SUPT6H: variants seen among roughly 807,000 people sequenced by gnomAD.
The protein encoded by SUPT6H is SPT6 homolog, histone chaperone and transcription elongation factor, also known as transcription elongation factor SPT6.
A neutral mutation model predicts 222.3 loss-of-function variants in SUPT6H; 11 were observed. The observed-to-expected ratio is 0.05, with a 90% CI of 0.03 to 0.08. The LOEUF is 0.08. SUPT6H is among the 10% of genes least tolerant of loss of function. SUPT6H has a pLI of 1.00. For missense variants in SUPT6H, 1,422 were observed against 2,216.0 expected, an observed-to-expected ratio of 0.64 and a Z score of 7.19; for synonymous variants, 762 against 801.2, an observed-to-expected ratio of 0.95 and a Z score of 0.83.
At position 28,701,891 on chromosome 17, in the gene SUPT6H, A is replaced by G; in HGVS notation, c.*266A>G. On this transcript the variant is annotated 3_prime_UTR_variant, in exon 37 of 37. Coordinates refer to ENST00000314616, the MANE Select transcript of SUPT6H (RefSeq NM_003170.5). ...GAGGGGAGTGTGGCAGGGAGGAGGA[A>G]GAGGAAGGTGAGAATGAGTAGAACA... 1 of 492,254 alleles carries G rather than the reference A, an allele frequency of 2.0e-6. No individual in the cohort carries two copies. The highest frequency in any genetic ancestry group is 3.5e-5 in the South Asian group (1 of 28,558). 30.5% of individuals were successfully genotyped at this position (492,254 alleles called of 1,614,324 possible).
intron 1 of SUPT6H, among the ~76,000 whole-genome samples, chr17:28,673,065 C>T (rs2030523812): frequency 6.6e-6 from 1 of 151,040 alleles, no homozygotes; most frequent in African/African-American, 2.4e-5. Context: ...GCAGGAGAAT[C>T]ACTTGAACCC....
Position 28,688,074 on chromosome 17 carries a change from C to G in SUPT6H, c.3007-17C>G. 1 of 1,604,064 alleles carries G rather than the reference C, an allele frequency of 6.2e-7. No individual in the cohort carries two copies. The highest frequency in any genetic ancestry group is 8.5e-7 in the Non-Finnish European group (1 of 1,174,146). Reference sequence around the variant, plus strand: ...GGCCTGCTTACTGCCCTGGCTCAGTCCAGCTCTCTCCCCCAGATCCTGAAG... The same window carrying G: ...GGCCTGCTTACTGCCCTGGCTCAGTGCAGCTCTCTCCCCCAGATCCTGAAG... On this transcript the variant is annotated splice_polypyrimidine_tract_variant and intron_variant, in intron 23 of 36. Transcript: ENST00000314616. This position sits in a 1 kb window ranked among gnomAD's most constrained non-coding sequence, Gnocchi z 4.3.
In SUPT6H at chr17:28,684,496, G is replaced by GTGTA. The variant is rs2070458656; in HGVS notation, c.2230-87_2230-84dup. 9 of 1,495,798 alleles carry GTGTA rather than the reference G, an allele frequency of 6.0e-6. No individual in the cohort carries two copies. The South Asian group carries it at 9.4e-5, about 16-fold the overall frequency. The allele number at this position is 1,495,798 out of a possible 1,614,324, so 92.7% of individuals were successfully genotyped here. ...TAAGAGTACACACCCTCGCACATGT[G>GTGTA]TGTATGAGTGTGTTTCCATAGCACT... On this transcript the variant is annotated intron_variant, in intron 17 of 36. Transcript: ENST00000314616.
chr17:28,695,205 G>A (rs2031845612), intron 28 of SUPT6H, 147 bp from the exon 29 acceptor site: 1 of 744,164 alleles, frequency 1.3e-6, no homozygotes, highest in Non-Finnish European at 2.2e-6. Flanking sequence ...CAAACTCCCA[G>A]TCTGCCATTC....
chr17:28,676,356 A>G lies in SUPT6H; in HGVS notation c.823A>G (p.Ser275Gly). The change falls in exon 7 of 37, where the codon AGT becomes GGT. Residue 275 changes from serine (S) to glycine (G), a missense_variant. This residue lies in a region of SUPT6H where 389 missense variants were observed against 544.6 expected (regional missense o/e 0.71). Transcript: ENST00000314616. ...RRSIFEMYEP[S>G]ELESSHLTDQ... ...GAGCATCTTTGAAATGTATGAGCCC[A>G]GTGAGCTAGAAAGCAGCCACCTCAC... is the stretch of plus-strand genomic sequence containing the variant. 2 of 1,613,922 alleles carry G rather than the reference A, an allele frequency of 1.2e-6. No individual in the cohort carries two copies. Among genetic ancestry groups the G allele is most frequent in the Non-Finnish European group, 1.7e-6 (2 of 1,180,010 alleles).
Position 28,674,293 on chromosome 17 carries a change from G to A in SUPT6H, c.120G>A (p.Glu40=). The change falls in exon 3 of 37, where the codon GAG becomes GAA. Residue 40 remains glutamate (E), a synonymous_variant. Coordinates refer to ENST00000314616, the MANE Select transcript of SUPT6H (RefSeq NM_003170.5). ...FVEEEDDDEE[E]EEENLDDQDE... ...ATGCATGTCTTCCAGATGAGGAGGA[G>A]GAGGAGGAGAACCTAGATGATCAGG... 6.2e-7 allele frequency: 1 copy of A among 1,614,184 alleles called. No individual in the cohort carries two copies. The highest frequency in any genetic ancestry group is 8.5e-7 in the Non-Finnish European group (1 of 1,180,028).
Position 28,677,746 on chromosome 17 carries a change from A to G in SUPT6H, c.929A>G (p.Asp310Gly), listed in dbSNP as rs768598215. Residue 310 changes from aspartate (D) to glycine (G), a missense_variant, in exon 8 of 37, where the codon GAT becomes GGT. Physicochemically the swap from Asp to Gly is moderately conservative, Grantham distance 94. Coordinates refer to ENST00000314616, the MANE Select transcript of SUPT6H (RefSeq NM_003170.5). Reference protein sequence around the residue: ...LRSIPVKGAEDDELEEEADWI... With the variant: ...LRSIPVKGAEGDELEEEADWI... ...TCCATCCCAGTCAAGGGGGCTGAAG[A>G]TGATGAACTAGAAGAAGAAGCTGAC... 2 of 1,614,236 alleles carry G rather than the reference A, an allele frequency of 1.2e-6. No individual in the cohort carries two copies. The highest frequency in any genetic ancestry group is 1.7e-6 in the Non-Finnish European group (2 of 1,180,032).
intron 4 of SUPT6H, 95 bp from the exon 5 acceptor site, chr17:28,674,875 G>T: frequency 7.1e-7 from 1 of 1,412,636 alleles, no homozygotes; most frequent in Admixed American, 2.0e-5. Context: ...CTTGGTCAGA[G>T]TAATTGTGGT....
rs2031234229 is a variant in SUPT6H at position 28,683,640 on chromosome 17, T to C, written c.2053T>C (p.Tyr685His). The change falls in exon 17 of 37, where the codon TAT (tyrosine) becomes CAT (histidine). Residue 685 changes from tyrosine (Y) to histidine (H), a missense_variant. Around this residue, in one of 13 missense-constraint regions of SUPT6H, gnomAD observed 121 missense variants for 158.0 expected, o/e 0.77. Coordinates refer to ENST00000314616, the MANE Select transcript of SUPT6H (RefSeq NM_003170.5). ...TCTCAGCTATGGCAACGACCAGACA[T>C]ATTTTGAGGAGATAAAACAGTTTTA... is the stretch of plus-strand genomic sequence containing the variant. ...GVEGYGNDQT[Y>H]FEEIKQFYYR... The C allele has an allele frequency of 1.9e-6, 3 of 1,613,820 alleles. No individual in the cohort carries two copies. The highest frequency in any genetic ancestry group is 1.7e-6 in the Non-Finnish European group (2 of 1,179,966).
Position 28,686,733 on chromosome 17 carries a change from G to A in SUPT6H, c.2644G>A (p.Val882Ile). ...DQGQQLSSIG[V>I]ELVDNELAIL... ...GGGCCAGCAGCTGTCATCTATTGGG[G>A]TAGAGCTGGTTGACAACGAGTTGGC... is the stretch of plus-strand genomic sequence containing the variant. Residue 882 changes from valine (V) to isoleucine (I), a missense_variant, in exon 21 of 37, where the codon GTA (valine) becomes ATA (isoleucine). Coordinates refer to ENST00000314616, the MANE Select transcript of SUPT6H (RefSeq NM_003170.5). The A allele has an allele frequency of 6.2e-7, 1 of 1,612,748 alleles. No homozygotes were observed. The highest frequency in any genetic ancestry group is 8.5e-7 in the Non-Finnish European group (1 of 1,179,566).
intron 32 of SUPT6H, among the ~76,000 whole-genome samples, chr17:28,699,311 G>A (rs1449587267): frequency 6.6e-6 from 1 of 152,212 alleles, no homozygotes; most frequent in African/African-American, 2.4e-5. Context: ...ACTAGAACTA[G>A]AACTGGAACT....
At chr17:28,678,751 T>C in intron 10 of SUPT6H, 70 bp from the exon 11 acceptor site, 2 of 1,612,480 alleles carry the variant, frequency 1.2e-6, no homozygotes, top group Non-Finnish European at 1.7e-6. Context: ...AGGTTTCTGG[T>C]AAGGATCAGA....
chr17:28,696,442 C>A (rs1038140701), intron 29 of SUPT6H, among the ~76,000 whole-genome samples: 9 of 150,300 alleles, frequency 6.0e-5, no homozygotes, highest in Non-Finnish European at 1.3e-4. Context: ...ACTAAAAATA[C>A]AAAAACTAGC....
In SUPT6H at chr17:28,688,358, C is replaced by CCCAT; in HGVS notation, c.3134+140_3134+141insCCAT. 7 of 1,073,136 alleles carry CCCAT rather than the reference C, an allele frequency of 6.5e-6. No homozygotes were observed. Among genetic ancestry groups the CCCAT allele is most frequent in the Non-Finnish European group, 9.0e-6 (7 of 780,188 alleles). The allele number at this position is 1,073,136 out of a possible 1,614,324, so 66.5% of individuals were successfully genotyped here. ...TAAAGAAAAGGTAAGGAACTTTATT[C>CCCAT]AGTCAAGAGCCCCTGACCTATGGAA... On this transcript the variant is annotated intron_variant, in intron 24 of 36. Transcript: ENST00000314616. The surrounding 1 kb of genome is among the most constrained non-coding windows in gnomAD (Gnocchi z 4.3).
chr17:28,669,206 G>A (rs1055213025), intron 1 of SUPT6H, among the ~76,000 whole-genome samples: 3 of 151,840 alleles, frequency 2.0e-5, no homozygotes, highest in Non-Finnish European at 4.4e-5. Flanking sequence ...GGGTTTTTTT[G>A]TTTGTTTGTT....
chr17:28,678,409 A>G, intron 9 of SUPT6H, 136 bp from the exon 10 acceptor site: 1 of 921,974 alleles, frequency 1.1e-6, no homozygotes, highest in Non-Finnish European at 1.7e-6. Context: ...AGGCCCTGGA[A>G]GGGCTGTGAG....
At chr17:28,671,280 G>A (rs1033978076) in intron 1 of SUPT6H, 8 of 152,268 alleles carry the variant, frequency 5.3e-5, no homozygotes, top group African/African-American at 1.7e-4. Flanking sequence ...TTTGTTAGCA[G>A]CTAATTTGTT....
At position 28,701,654 on chromosome 17, in the gene SUPT6H, T is replaced by C; in HGVS notation, c.*29T>C. 2 of 1,576,174 alleles carry C rather than the reference T, an allele frequency of 1.3e-6. No homozygotes were observed. Among genetic ancestry groups the C allele is most frequent in the South Asian group, 2.3e-5 (2 of 87,544 alleles). Reference sequence around the variant, plus strand: ...GCCTGCTCCTCGGACTCTGGTTACCTCTGAGGCTGGGAAAGGCCTGGCTGC... The same window carrying C: ...GCCTGCTCCTCGGACTCTGGTTACCCCTGAGGCTGGGAAAGGCCTGGCTGC... On this transcript the variant is annotated 3_prime_UTR_variant, in exon 37 of 37. Coordinates refer to ENST00000314616, the MANE Select transcript of SUPT6H (RefSeq NM_003170.5).
In SUPT6H at chr17:28,682,809, G is replaced by A; in HGVS notation, c.1680G>A (p.Glu560=). The change falls in exon 14 of 37, where the codon GAG becomes GAA. Residue 560 remains glutamate, a synonymous_variant. Transcript: ENST00000314616. ...LRDSYQRHET[E]QFPAEPLELA... is the part of the protein sequence containing the mutation. ...ATAGCTACCAGCGGCACGAGACAGAGCAGTTTCCCGCGGAGCCCTTGGAGC... is the reference window on the plus strand; with the variant it reads ...ATAGCTACCAGCGGCACGAGACAGAACAGTTTCCCGCGGAGCCCTTGGAGC... 1 of 1,614,212 alleles carries A rather than the reference G, an allele frequency of 6.2e-7. No homozygotes were observed. The highest frequency in any genetic ancestry group is 8.5e-7 in the Non-Finnish European group (1 of 1,180,040).
Sources: gnomAD v4.1 joint callset for allele counts (sites outside exome capture counted in the v4.1 genomes callset) on GRCh38, gnomAD v4.1.1 for gene constraint, gnomAD v4.1.1 regional missense constraint, Gnocchi (gnomAD v3.1) non-coding constraint, MANE v1.5 for transcripts, NCBI Gene and HGNC (gene_info 2026-07-23, HGNC 2026-07-21) for gene names.